Variants in CDH8 observed in about 807,000 individuals in gnomAD.
The protein encoded by CDH8 is cadherin-8.
CDH8 carries 17 observed loss-of-function variants against 68.1 expected under a neutral mutation model. The observed-to-expected ratio is 0.25, with a 90% CI of 0.17 to 0.37. CDH8 has a LOEUF of 0.37. Ranked by LOEUF, CDH8 falls within the 10% of genes least tolerant of loss-of-function variation. The pLI, the probability that CDH8 is intolerant of heterozygous loss-of-function variation, is 1.00. For missense variants in CDH8, 763 were observed against 999.3 expected (o/e 0.76, Z 3.19); for synonymous variants, 372 against 365.1 (o/e 1.02, Z -0.21).
At chr16:61,793,027 G>C (rs1961414898) in intron 7 of CDH8, among the ~76,000 whole-genome samples, 1 of 151,790 alleles carries the variant, frequency 6.6e-6, no homozygotes, top group African/African-American at 2.4e-5. Flanking sequence ...TAGAAGGTGG[G>C]GCTTTCAGGA....
rs376009677 is a variant in CDH8 at position 61,727,047 on chromosome 16, C to T, written c.1536+47G>A. On this transcript the variant is annotated intron_variant, in intron 9 of 11. Coordinates refer to ENST00000577390, the MANE Select transcript of CDH8 (RefSeq NM_001796.5). ...TAATGCAGGTTAGTCAAATATGAGA[C>T]AGTTGTATACAAACATATTCAGCAT... The T allele has an allele frequency of 6.9e-6, 11 of 1,595,018 alleles. No homozygotes were observed. The African/African-American group carries it at 8.1e-5, about 12-fold the overall frequency.
chr16:61,999,633 G>T (rs984510660), intron 2 of CDH8, among the ~76,000 whole-genome samples: 1 of 152,212 alleles, frequency 6.6e-6, no homozygotes, highest in East Asian at 1.9e-4. Flanking sequence ...GATAATGGGT[G>T]TAAAGTGCCA....
intron 8 of CDH8, among the ~76,000 whole-genome samples, chr16:61,761,092 T>C (rs1960455635): frequency 6.6e-6 from 1 of 152,172 alleles, no homozygotes; most frequent in African/African-American, 2.4e-5. Context: ...ATGATACATA[T>C]ATAAATATGT....
At chr16:61,921,216 G>A (rs1054461384) in intron 2 of CDH8, among the ~76,000 whole-genome samples, 18 of 150,106 alleles carry the variant, frequency 1.2e-4, no homozygotes, top group Admixed American at 5.3e-4. Flanking sequence ...TAACTAACCT[G>A]CACAATGTGC....
chr16:61,983,425 T>G (rs897724816), intron 2 of CDH8, among the ~76,000 whole-genome samples: 1 of 152,200 alleles, frequency 6.6e-6, no homozygotes, highest in African/African-American at 2.4e-5. Flanking sequence ...TTCCCATGAC[T>G]AAGAACGACA....
intron 7 of CDH8, among the ~76,000 whole-genome samples, chr16:61,816,389 G>T (rs1865808): frequency 0.54 from 82,630 of 151,932 alleles, 25,009 homozygotes; most frequent in African/African-American, 0.83. Flanking sequence ...TAAATAAACC[G>T]ACAGATAACT....
At chr16:61,996,203 C>T (rs982072263) in intron 2 of CDH8, among the ~76,000 whole-genome samples, 1 of 151,464 alleles carries the variant, frequency 6.6e-6, no homozygotes, top group African/African-American at 2.4e-5. Context: ...CCAACCCAAT[C>T]CCCTGAAGCA....
intron 3 of CDH8, among the ~76,000 whole-genome samples, chr16:61,881,914 C>T (rs895563954): frequency 1.1e-4 from 17 of 152,146 alleles, no homozygotes; most frequent in African/African-American, 4.1e-4. Context: ...TGTCCTAAGC[C>T]TAATCTTGGA....
At chr16:61,668,941 T>C (rs1210496794) in intron 10 of CDH8, among the ~76,000 whole-genome samples, 1 of 152,078 alleles carries the variant, frequency 6.6e-6, no homozygotes, top group African/African-American at 2.4e-5. Flanking sequence ...AGAGTAAAAT[T>C]GTTTTAAAGC....
At position 61,649,599 on chromosome 16, in the gene CDH8, G is replaced by A. The variant is rs908523981; in HGVS notation, c.*4009C>T. ...GCTCAGCCTTTCCGACAGTGCCAGT[G>A]ATGGGATTTTTTTGAAATCTTATTA... is the stretch of plus-strand genomic sequence containing the variant. On this transcript the variant is annotated 3_prime_UTR_variant, in exon 12 of 12. Transcript: ENST00000577390. The A allele has an allele frequency of 2.0e-5, 3 of 151,926 alleles. No homozygotes were observed. The highest frequency in any genetic ancestry group is 4.4e-5 in the Non-Finnish European group (3 of 67,968). The allele number at this position is 151,926 out of a possible 1,614,324, so 9.4% of individuals were successfully genotyped here. A position where few individuals can be genotyped will look rare whatever the true frequency, so the allele number is the denominator to read the frequency against.
chr16:61,864,234 G>T (rs1183168755), intron 3 of CDH8, among the ~76,000 whole-genome samples: 1 of 152,182 alleles, frequency 6.6e-6, no homozygotes, highest in East Asian at 1.9e-4. Flanking sequence ...TGTACTGACT[G>T]TCACATATTT....
intron 3 of CDH8, among the ~76,000 whole-genome samples, chr16:61,890,516 A>T (rs1963756642): frequency 6.6e-6 from 1 of 152,186 alleles, no homozygotes; most frequent in Non-Finnish European, 1.5e-5. Flanking sequence ...TAAGAGATAT[A>T]GGTTTCTAAA....
At chr16:61,813,417 G>A (rs368609584) in intron 7 of CDH8, among the ~76,000 whole-genome samples, 4 of 152,136 alleles carry the variant, frequency 2.6e-5, no homozygotes, top group African/African-American at 4.8e-5. Flanking sequence ...GGGTATAACC[G>A]AGACAGCCAA....
At position 61,653,582 on chromosome 16, in the gene CDH8, T is replaced by G. The variant is rs765584216; in HGVS notation, c.*26A>C. ...CCTAGAATATTACAGAATGCTCAGT[T>G]CCAGTGATTTATTTATAATCCACTG... On this transcript the variant is annotated 3_prime_UTR_variant, in exon 12 of 12. Coordinates refer to ENST00000577390, the MANE Select transcript of CDH8 (RefSeq NM_001796.5). The G allele has an allele frequency of 2.1e-5, 33 of 1,582,176 alleles. No homozygotes were observed. Among genetic ancestry groups the G allele is most frequent in the Admixed American group, 1.8e-5 (1 of 55,804 alleles).
intron 4 of CDH8, among the ~76,000 whole-genome samples, chr16:61,827,219 A>T (rs1962358321): frequency 6.6e-6 from 1 of 151,902 alleles, no homozygotes; most frequent in African/African-American, 2.4e-5. Context: ...AAAAGATTGA[A>T]AACATTGTTT....
chr16:61,907,398 G>T (rs2143301433), intron 2 of CDH8, among the ~76,000 whole-genome samples: 1 of 152,218 alleles, frequency 6.6e-6, no homozygotes, highest in East Asian at 1.9e-4. Context: ...GTACCTAAGG[G>T]CCAGACATGG....
intron 2 of CDH8, among the ~76,000 whole-genome samples, chr16:62,015,652 C>G (rs546019719): frequency 6.6e-6 from 1 of 152,134 alleles, no homozygotes; most frequent in African/African-American, 2.4e-5. Flanking sequence ...TGAATGTTTA[C>G]GACCTTCGTA....
In CDH8 at chr16:61,956,689, GAAATA is replaced by G. The variant is rs541789603; in HGVS notation, c.253-55221_253-55217del. Reference sequence around the variant, plus strand: ...TATTTTACTTCTCAAGTATAAAACAGAAATAAAATAAAAGAATAAAAATGAGGTAA... The same window carrying G: ...TATTTTACTTCTCAAGTATAAAACAGAAATAAAAGAATAAAAATGAGGTAA... On this transcript the variant is annotated intron_variant, in intron 2 of 11. Coordinates refer to ENST00000577390, the MANE Select transcript of CDH8 (RefSeq NM_001796.5). Among the ~76,000 whole-genome samples the G allele has an allele frequency of 3.3e-5, 5 of 152,204 alleles. No homozygotes were observed. In the South Asian group the frequency reaches 8.3e-4, roughly 25 times the overall value.
At chr16:61,828,647 C>T (rs750302638) in intron 4 of CDH8, among the ~76,000 whole-genome samples, 4 of 151,552 alleles carry the variant, frequency 2.6e-5, no homozygotes, top group Non-Finnish European at 4.4e-5. Flanking sequence ...GTAAGTGGAC[C>T]CTCATAGGTT....
Sources: allele counts gnomAD v4.1 joint callset (sites outside exome capture counted in the v4.1 genomes callset), GRCh38; gene constraint gnomAD v4.1.1; transcripts MANE v1.5; gene names NCBI Gene and HGNC (gene_info 2026-07-23, HGNC 2026-07-21).